PCDHA1: variants seen among roughly 807,000 people sequenced by gnomAD.
PCDHA1 encodes the protein protocadherin alpha 1.
PCDHA1 carries 42 observed loss-of-function variants against 61.3 expected under a neutral mutation model. The observed-to-expected ratio is 0.69, with a 90% CI of 0.54 to 0.89. The LOEUF is 0.89. PCDHA1 is among the 40% of genes least tolerant of loss of function. The pLI, the probability that PCDHA1 is intolerant of heterozygous loss-of-function variation, is 0.00. For synonymous variants in PCDHA1, 610 were observed against 553.8 expected, an observed-to-expected ratio of 1.10 and a Z score of -1.43; for missense variants, 1,256 against 1,235.3, an observed-to-expected ratio of 1.02 and a Z score of -0.25.
intron 3 of PCDHA1, among the ~76,000 whole-genome samples, chr5:140,987,107 G>C (rs936936352): frequency 2.0e-5 from 3 of 151,876 alleles, no homozygotes; most frequent in Admixed American, 6.6e-5. Context: ...CCAGCTACTC[G>C]GGAGGCTGAG....
At chr5:140,802,163 C>T in intron 1 of PCDHA1, 1 of 1,614,140 alleles carries the variant, frequency 6.2e-7, no homozygotes, top group Non-Finnish European at 8.5e-7. Flanking sequence ...AGGTAGAAGC[C>T]ACGGATAAAG....
At chr5:140,829,769 G>T in intron 1 of PCDHA1, 2 of 1,613,778 alleles carry the variant, frequency 1.2e-6, no homozygotes, top group Non-Finnish European at 8.5e-7. Flanking sequence ...GGACGAGAAC[G>T]ACAACGCGCC....
Position 140,787,421 on chromosome 5 carries a change from T to G in PCDHA1, c.1131T>G (p.Arg377=). Residue 377 remains arginine (R), a synonymous_variant, in exon 1 of 4, where the codon CGT becomes CGG. Transcript: ENST00000504120. ...TCGCCCTCATCACCGTGTCTGACCG[T>G]GACTCAGGTGCCAACGGGCAGGTGA... The part of the protein sequence containing the change: ...TVIALITVSD[R]DSGANGQVTC... 6.2e-7 allele frequency: 1 copy of G among 1,614,248 alleles called. No homozygotes were observed. Among genetic ancestry groups the G allele is most frequent in the Non-Finnish European group, 8.5e-7 (1 of 1,180,034 alleles).
At position 140,801,950 on chromosome 5, in the gene PCDHA1, A is replaced by T. The variant is rs1053967488; in HGVS notation, c.2394+13266A>T. The T allele has an allele frequency of 1.9e-5, 30 of 1,614,076 alleles. No individual in the cohort carries two copies. In the Middle Eastern group the frequency reaches 1.6e-3, roughly 88 times the overall value. ...AGAGGACGATCTATAAAGTCAGATT[A>T]CTCGAAAATGCACCAAATGGTACCC... On this transcript the variant is annotated intron_variant, in intron 1 of 3. Coordinates refer to ENST00000504120, the MANE Select transcript of PCDHA1 (RefSeq NM_018900.4).
At chr5:140,859,117 T>C (rs1441256234) in intron 1 of PCDHA1, 3 of 150,206 alleles carry the variant, frequency 2.0e-5, no homozygotes, top group Non-Finnish European at 4.5e-5. Context: ...AGAAAATGTA[T>C]GTTTCTTTTA....
intron 1 of PCDHA1, among the ~76,000 whole-genome samples, chr5:140,831,987 G>A (rs1349953832): frequency 2.6e-5 from 4 of 152,118 alleles, no homozygotes; most frequent in South Asian, 2.1e-4. Flanking sequence ...CTCTCATTAC[G>A]GATTCCATAT....
At chr5:140,830,615 T>C in intron 1 of PCDHA1, 1 of 612,998 alleles carries the variant, frequency 1.6e-6, no homozygotes, top group African/African-American at 1.9e-5. Flanking sequence ...TTCATTTTAT[T>C]GTGTTTCTTA....
At chr5:140,855,165 T>C (rs1172731300) in intron 1 of PCDHA1, among the ~76,000 whole-genome samples, 1 of 149,930 alleles carries the variant, frequency 6.7e-6, no homozygotes, top group Non-Finnish European at 1.5e-5. Context: ...TTGAGCCTCA[T>C]GAAAACAAAT....
chr5:140,823,993 T>G (rs1767960807), intron 1 of PCDHA1: 1 of 1,613,862 alleles, frequency 6.2e-7, no homozygotes, highest in Admixed American at 1.7e-5. Context: ...CACTCTGTTG[T>G]GCTCCAGCGC....
intron 3 of PCDHA1, among the ~76,000 whole-genome samples, chr5:141,007,767 G>T (rs1322859075): frequency 6.6e-6 from 1 of 152,142 alleles, no homozygotes; most frequent in African/African-American, 2.4e-5. Context: ...TATTGGCCTG[G>T]AAATGGTACT....
chr5:140,877,476 G>T (rs1554169787), intron 1 of PCDHA1: 2 of 1,613,870 alleles, frequency 1.2e-6, no homozygotes, highest in South Asian at 1.1e-5. Flanking sequence ...TGCTGGTGTC[G>T]CTGGTGGAGA....
In PCDHA1 at chr5:140,849,850, C is replaced by A. The variant is rs17844329; in HGVS notation, c.2394+61166C>A. ...GAGGTGGCCGACGTGAACGACAACG[C>A]ACCAGCGTTCGCGCAGTCCGAGTAC... On this transcript the variant is annotated intron_variant, in intron 1 of 3. Transcript: ENST00000504120. The A allele has an allele frequency of 2.5e-4, 392 of 1,598,618 alleles. 6 individuals carry two copies. The East Asian group carries it at 8.6e-3, about 35-fold the overall frequency.
At position 140,976,923 on chromosome 5, in the gene PCDHA1, C is replaced by T. The variant is rs2096737530; in HGVS notation, c.2395-2026C>T. Among the ~76,000 whole-genome samples the T allele has an allele frequency of 2.0e-5, 3 of 152,236 alleles. No individual in the cohort carries two copies. The South Asian group carries it at 6.2e-4, about 32-fold the overall frequency. On this transcript the variant is annotated intron_variant, in intron 1 of 3. Transcript: ENST00000504120. The stretch of plus-strand genomic sequence containing the variant: ...ATGTAATAAAGTGCAAAATCTAGTA[C>T]TGTGTAGCTACTTAAAACATATTAT...
In PCDHA1 at chr5:140,858,544, T is replaced by C. The variant is rs782004922; in HGVS notation, c.2394+69860T>C. ...ATATTTCATTTTTGTCTACATTCCA[T>C]TTATGCTTGAATATTTCTAGTGATA... On this transcript the variant is annotated intron_variant, in intron 1 of 3. Transcript: ENST00000504120. 5 of 1,398,226 alleles carry C rather than the reference T, an allele frequency of 3.6e-6. No homozygotes were observed. The South Asian group carries it at 5.0e-5, about 14-fold the overall frequency. 86.6% of individuals were successfully genotyped at this position (1,398,226 alleles called of 1,614,324 possible). A position where few individuals can be genotyped will look rare whatever the true frequency, so the allele number is the denominator to read the frequency against.
chr5:140,997,814 T>C (rs2097786801), intron 3 of PCDHA1, among the ~76,000 whole-genome samples: 1 of 152,212 alleles, frequency 6.6e-6, no homozygotes, highest in Admixed American at 6.5e-5. Context: ...GCTGTTGGTA[T>C]CTATGTTTTC....
chr5:140,815,206 C>T (rs141510646), intron 1 of PCDHA1: 2 of 152,170 alleles, frequency 1.3e-5, no homozygotes, highest in East Asian at 3.9e-4. Context: ...ATTGATAGGG[C>T]ATAACTTACT....
intron 1 of PCDHA1, chr5:140,865,634 A>G (rs2048944722): frequency 6.6e-6 from 1 of 152,218 alleles, no homozygotes; most frequent in Non-Finnish European, 1.5e-5. Context: ...TCATGAAGGG[A>G]CTTAAATACA....
chr5:140,925,124 A>AGG (rs1554202565), intron 1 of PCDHA1, among the ~76,000 whole-genome samples: 1 of 151,856 alleles, frequency 6.6e-6, no homozygotes, highest in African/African-American at 2.4e-5. Flanking sequence ...GAAGGAAGGA[A>AGG]AAAAAATTTC....
chr5:140,850,185 G>A (rs2150471887), intron 1 of PCDHA1: 2 of 1,593,890 alleles, frequency 1.3e-6, no homozygotes, highest in South Asian at 1.1e-5. Context: ...CAATGCGCCG[G>A]CGCTGCTGAC....
Sources: allele counts gnomAD v4.1 joint callset (sites outside exome capture counted in the v4.1 genomes callset), GRCh38; gene constraint gnomAD v4.1.1; transcripts MANE v1.5; gene names NCBI Gene and HGNC (gene_info 2026-07-23, HGNC 2026-07-21).